CATSPERT: variants seen among roughly 807,000 people sequenced by gnomAD.
CATSPERT encodes the protein catsper channel auxiliary subunit tau.
At chr2:201,524,852 C>T in the CATSPERT span, among the ~76,000 whole-genome samples, 16 of 151,972 alleles carry the variant, frequency 1.1e-4, no homozygotes, top group South Asian at 2.1e-4. Flanking sequence ...AAGCCAACAA[C>T]GATAAAAAAA....
the CATSPERT span, among the ~76,000 whole-genome samples, chr2:201,542,532 G>T: frequency 6.6e-6 from 1 of 152,076 alleles, no homozygotes; most frequent in African/African-American, 2.4e-5. Flanking sequence ...GCCAACACTT[G>T]TTGACTTTTC....
chr2:201,581,477 AATATATATATATATATATATATATATAT>A, the CATSPERT span, among the ~76,000 whole-genome samples: 4 of 14,860 alleles, frequency 2.7e-4, 1 homozygote, highest in Non-Finnish European at 3.3e-4. Context: ...CACATTCCGG[AATATATATATATATATATATATATATAT>A]ATATATATAT....
the CATSPERT span, among the ~76,000 whole-genome samples, chr2:201,530,291 T>G: frequency 1.1e-5 from 1 of 90,796 alleles, no homozygotes; most frequent in Non-Finnish European, 2.7e-5. Flanking sequence ...ATCAAAGAGA[T>G]ATCTGCATCC....
At chr2:201,572,069 C>A in the CATSPERT span, 1 of 1,395,738 alleles carries the variant, frequency 7.2e-7, no homozygotes, top group South Asian at 1.2e-5. Context: ...TCAATTAAAA[C>A]TCACTAATTG....
the CATSPERT span, chr2:201,495,895 C>G: frequency 6.3e-7 from 1 of 1,581,236 alleles, no homozygotes; most frequent in South Asian, 1.2e-5. Context: ...CAGGACTCAC[C>G]TGAAATTTTG....
the CATSPERT span, among the ~76,000 whole-genome samples, chr2:201,595,764 G>A: frequency 7.2e-5 from 11 of 152,122 alleles, no homozygotes; most frequent in East Asian, 1.9e-4. Flanking sequence ...ACAGACAAAC[G>A]GATACTTTTC....
At chr2:201,607,002 C>A in the CATSPERT span, among the ~76,000 whole-genome samples, 10 of 150,254 alleles carry the variant, frequency 6.7e-5, no homozygotes, top group Non-Finnish European at 1.3e-4. Context: ...AACCACCAAA[C>A]AACTATAATA....
At chr2:201,601,317 G>GT in the CATSPERT span, among the ~76,000 whole-genome samples, 51,146 of 127,690 alleles carry the variant, frequency 0.4, 10,404 homozygotes, top group Admixed American at 0.45. Flanking sequence ...TGTGTGTGTG[G>GT]GTTGTAATAA....
the CATSPERT span, among the ~76,000 whole-genome samples, chr2:201,489,308 G>C: frequency 1.3e-5 from 2 of 152,104 alleles, no homozygotes; most frequent in African/African-American, 4.8e-5. Context: ...TGCTTGAAAA[G>C]TTGTATTAAA....
the CATSPERT span, among the ~76,000 whole-genome samples, chr2:201,587,437 T>C: frequency 6.6e-6 from 1 of 152,154 alleles, no homozygotes; most frequent in Non-Finnish European, 1.5e-5. Flanking sequence ...TTTTGAAGTA[T>C]ATTCTCACTG....
chr2:201,615,171 T>C, the CATSPERT span, among the ~76,000 whole-genome samples: 132,343 of 151,906 alleles, frequency 0.87, 58,804 homozygotes, highest in South Asian at 0.98. Flanking sequence ...AACAAGGATA[T>C]CCAGGAATTG....
At chr2:201,517,571 A>G in the CATSPERT span, among the ~76,000 whole-genome samples, 1 of 152,220 alleles carries the variant, frequency 6.6e-6, no homozygotes, top group Admixed American at 6.5e-5. Context: ...AAGACTTCTA[A>G]GTCAGAAAGA....
chr2:201,547,632 G>A, the CATSPERT span: 16 of 1,333,404 alleles, frequency 1.2e-5, no homozygotes, highest in Middle Eastern at 1.9e-4. Context: ...AATAAGTTAT[G>A]AATGAAAAAA....
At chr2:201,578,722 T>C in the CATSPERT span, among the ~76,000 whole-genome samples, 1 of 152,160 alleles carries the variant, frequency 6.6e-6, no homozygotes, top group Non-Finnish European at 1.5e-5. Flanking sequence ...TTATTCATGA[T>C]CTTATAAAAA....
chr2:201,551,795 C>T, the CATSPERT span, among the ~76,000 whole-genome samples: 1 of 151,926 alleles, frequency 6.6e-6, no homozygotes, highest in Non-Finnish European at 1.5e-5. Context: ...GTAATCCCAG[C>T]TACTCAGGAG....
At chr2:201,528,392 C>T in the CATSPERT span, among the ~76,000 whole-genome samples, 2 of 152,080 alleles carry the variant, frequency 1.3e-5, no homozygotes, top group African/African-American at 2.4e-5. Flanking sequence ...ACCACTTGAC[C>T]CAGCAATCCC....
the CATSPERT span, chr2:201,535,599 A>G: frequency 4.7e-6 from 5 of 1,069,846 alleles, no homozygotes; most frequent in Non-Finnish European, 4.5e-6. Context: ...TTTCAGCTGA[A>G]TTACTAACCC....
At chr2:201,541,531 TTATATATATATATATATATATATATATA>T in the CATSPERT span, among the ~76,000 whole-genome samples, 214 of 92,748 alleles carry the variant, frequency 2.3e-3, 1 homozygote, top group Middle Eastern at 0.035. Context: ...TCAGATGATT[TTATATATATATATATATATATATATATA>T]TATATATATA....
At chr2:201,534,384 A>G in the CATSPERT span, 2 of 980,812 alleles carry the variant, frequency 2.0e-6, no homozygotes, top group Non-Finnish European at 1.2e-6. Flanking sequence ...ATACAGCAAT[A>G]AATAACTTAC....
Sources: gnomAD v4.1 joint callset for allele counts (sites outside exome capture counted in the v4.1 genomes callset) on GRCh38, gnomAD v4.1.1 for gene constraint, MANE v1.5 for transcripts, NCBI Gene and HGNC (gene_info 2026-07-23, HGNC 2026-07-21) for gene names.